Variants in PTPN11 observed in about 807,000 individuals in gnomAD.
PTPN11 encodes the protein protein tyrosine phosphatase non-receptor type 11.
A neutral mutation model predicts 78.8 loss-of-function variants in PTPN11; 6 were observed. That is an observed-to-expected ratio of 0.08 (90% CI 0.04 to 0.15). The LOEUF (loss-of-function observed/expected upper bound fraction) is 0.15, where lower values mean the gene tolerates loss of function less well. Ranked by LOEUF, PTPN11 falls within the 10% of genes least tolerant of loss-of-function variation. The probability of loss-of-function intolerance (pLI) is 1.00; values close to 1 mark genes in which losing one functional copy is unlikely to be tolerated. For missense variants in PTPN11, 386 were observed against 744.8 expected, an observed-to-expected ratio of 0.52 and a Z score of 5.61; for synonymous variants, 221 against 263.5, an observed-to-expected ratio of 0.84 and a Z score of 1.56.
intron 6 of PTPN11, among the ~76,000 whole-genome samples, chr12:112,465,117 G>A (rs1566174813): frequency 6.6e-6 from 1 of 152,120 alleles, no homozygotes; most frequent in African/African-American, 2.4e-5. Flanking sequence ...GTGGCGAGGT[G>A]CATATTGCAT....
At chr12:112,474,819 CAG>C (rs1480620050) in intron 7 of PTPN11, among the ~76,000 whole-genome samples, 1 of 151,912 alleles carries the variant, frequency 6.6e-6, no homozygotes, top group Non-Finnish European at 1.5e-5. Flanking sequence ...TTTGTAGAGA[CAG>C]GGTTTCGTCA....
At chr12:112,449,335 C>T (rs2038044396) in intron 2 of PTPN11, among the ~76,000 whole-genome samples, 2 of 151,720 alleles carry the variant, frequency 1.3e-5, no homozygotes, top group South Asian at 2.1e-4. Flanking sequence ...GAAACCCCGT[C>T]TCTACTAAAA....
intron 1 of PTPN11, among the ~76,000 whole-genome samples, chr12:112,438,575 G>A (rs1333081122): frequency 6.6e-6 from 1 of 151,746 alleles, no homozygotes; most frequent in Non-Finnish European, 1.5e-5. Flanking sequence ...TCTGCCTCCC[G>A]GGTTCAAGCG....
intron 2 of PTPN11, among the ~76,000 whole-genome samples, chr12:112,448,979 C>T (rs913332054): frequency 7.9e-5 from 12 of 150,968 alleles, no homozygotes; most frequent in African/African-American, 2.7e-4. Context: ...TTCCGCCTCC[C>T]GGGTTCAAGC....
chr12:112,460,987 C>T (rs149076365), intron 6 of PTPN11, among the ~76,000 whole-genome samples: 108 of 152,164 alleles, frequency 7.1e-4, no homozygotes, highest in African/African-American at 2.4e-3. Context: ...TACTTATAGT[C>T]TGAATTTTGC....
At chr12:112,470,176 A>G (rs1009954823) in intron 6 of PTPN11, among the ~76,000 whole-genome samples, 1 of 152,108 alleles carries the variant, frequency 6.6e-6, no homozygotes, top group Non-Finnish European at 1.5e-5. Context: ...ACCGATTTTG[A>G]TTAAGTCTGG....
At chr12:112,456,134 G>C in intron 6 of PTPN11, 71 bp downstream of exon 6, 1 of 1,042,286 alleles carries the variant, frequency 9.6e-7, no homozygotes, top group African/African-American at 1.6e-5. Flanking sequence ...AGTTGCTCTT[G>C]TGTTTGGAAT....
intron 1 of PTPN11, among the ~76,000 whole-genome samples, chr12:112,436,245 GATATT>G (rs1370067343): frequency 3.9e-5 from 6 of 152,148 alleles, no homozygotes; most frequent in African/African-American, 1.4e-4. Context: ...CTATGGTAGA[GATATT>G]ATAGTCAATA....
intron 1 of PTPN11, among the ~76,000 whole-genome samples, chr12:112,443,014 C>G (rs2037933355): frequency 6.7e-6 from 1 of 149,462 alleles, no homozygotes; most frequent in African/African-American, 2.5e-5. Context: ...TTGTTGGAAC[C>G]ACTTGAGGGT....
chr12:112,507,810 A>T lies in PTPN11; in HGVS notation c.*2018A>T, dbSNP rs1196155726. On this transcript the variant is annotated 3_prime_UTR_variant, in exon 16 of 16. Transcript: ENST00000351677. ...GCTGCCATTCTCACTGACAAAATGT[A>T]TATCAGCCCCCACCTCCACCCCCCA... The T allele has an allele frequency of 2.0e-5, 3 of 152,632 alleles. No individual in the cohort carries two copies. The highest frequency in any genetic ancestry group is 2.9e-5 in the Non-Finnish European group (2 of 68,166). The allele number at this position is 152,632 out of a possible 1,614,324, so 9.5% of individuals were successfully genotyped here. A position where few individuals can be genotyped will look rare whatever the true frequency, so the allele number is the denominator to read the frequency against.
intron 1 of PTPN11, among the ~76,000 whole-genome samples, chr12:112,438,081 TC>T (rs1942986840): frequency 6.6e-6 from 1 of 152,120 alleles, no homozygotes; most frequent in South Asian, 2.1e-4. Flanking sequence ...GGGTGGACTT[TC>T]TGTTTCTGGG....
chr12:112,453,470 A>G (rs1436554314), intron 4 of PTPN11, 83 bp downstream of exon 4: 1 of 1,063,720 alleles, frequency 9.4e-7, no homozygotes, highest in African/African-American at 1.6e-5. Context: ...ACACCATTAC[A>G]TTCAAAGTCA....
chr12:112,420,002 A>G (rs2037496565), intron 1 of PTPN11, among the ~76,000 whole-genome samples: 1 of 152,238 alleles, frequency 6.6e-6, no homozygotes, highest in South Asian at 2.1e-4. Context: ...TATTATCCCC[A>G]TTGTAAAGAT....
intron 13 of PTPN11, among the ~76,000 whole-genome samples, chr12:112,494,877 A>G (rs1332721669): frequency 6.6e-6 from 1 of 152,116 alleles, no homozygotes; most frequent in Non-Finnish European, 1.5e-5. Flanking sequence ...CTTTTCATTC[A>G]ACACTTTATT....
intron 7 of PTPN11, among the ~76,000 whole-genome samples, chr12:112,476,201 A>G (rs1052218071): frequency 6.6e-6 from 1 of 152,210 alleles, no homozygotes; most frequent in Non-Finnish European, 1.5e-5. Context: ...GATCAATGGT[A>G]TGCAGTATCT....
chr12:112,445,639 CTTTTTTT>C (rs531888743), intron 1 of PTPN11, among the ~76,000 whole-genome samples: 6 of 138,960 alleles, frequency 4.3e-5, no homozygotes, highest in African/African-American at 1.6e-4. Context: ...GAAACTTATT[CTTTTTTT>C]TTTTTTTTTT....
rs397507534 is a variant in PTPN11, at chr12:112,477,975, G to A, written c.1052G>A (p.Arg351Gln). The change falls in exon 9 of 16, where the codon CGA becomes CAA. Residue 351 changes from arginine (R) to glutamine (Q), a missense_variant. Physicochemically the swap from Arg to Gln is conservative, Grantham distance 43. Around this residue, in one of 3 missense-constraint regions of PTPN11, gnomAD observed 279 missense variants for 503.3 expected, o/e 0.55. Coordinates refer to ENST00000351677, the MANE Select transcript of PTPN11 (RefSeq NM_002834.5). ...FWRMVFQENSRVIVMTTKEVE... is the reference protein window; with the variant it reads ...FWRMVFQENSQVIVMTTKEVE... ...CGGATGGTGTTCCAAGAAAACTCCCGAGTGATTGTCATGACAACGAAAGAA... is the reference window on the plus strand; with the variant it reads ...CGGATGGTGTTCCAAGAAAACTCCCAAGTGATTGTCATGACAACGAAAGAA... 350 of 1,614,096 alleles carry A rather than the reference G, an allele frequency of 2.2e-4. 4 individuals are homozygous for A. The South Asian group carries it at 3.6e-3, about 17-fold the overall frequency.
chr12:112,450,526 T>G lies in PTPN11; in HGVS notation c.332+14T>G. 6.2e-7 allele frequency: 1 copy of G among 1,611,380 alleles called. No individual in the cohort carries two copies. The highest frequency in any genetic ancestry group is 1.1e-5 in the South Asian group (1 of 91,008). ...TACCTCTGAAAGGTCAGTAACATTT[T>G]AGTGACCACAAAGTCTGCTGCTCCC... On this transcript the variant is annotated intron_variant, in intron 3 of 15. Coordinates refer to ENST00000351677, the MANE Select transcript of PTPN11 (RefSeq NM_002834.5).
intron 13 of PTPN11, among the ~76,000 whole-genome samples, chr12:112,489,844 A>G (rs970690159): frequency 6.6e-6 from 1 of 152,142 alleles, no homozygotes; most frequent in African/African-American, 2.4e-5. Context: ...GAGTGCCTGC[A>G]TTACTCTGCT....
Sources: gnomAD v4.1 joint callset for allele counts (sites outside exome capture counted in the v4.1 genomes callset) on GRCh38, gnomAD v4.1.1 for gene constraint, gnomAD v4.1.1 regional missense constraint, MANE v1.5 for transcripts, NCBI Gene and HGNC (gene_info 2026-07-23, HGNC 2026-07-21) for gene names.